The following FANK1 variants were observed in gnomAD, a reference collection of about 807,000 sequenced individuals.
FANK1 encodes the protein fibronectin type III and ankyrin repeat domains 1.
A neutral mutation model predicts 45.3 loss-of-function variants in FANK1; 44 were observed. That is an observed-to-expected ratio of 0.97 (90% CI 0.76 to 1.25). FANK1 has a LOEUF of 1.25. Among genes scored for constraint, FANK1 ranks in the 50% most tolerant of loss-of-function variants. FANK1 has a pLI of 0.00. For missense variants in FANK1, 391 were observed against 424.4 expected (o/e 0.92, Z 0.69); for synonymous variants, 149 against 152.5 (o/e 0.98, Z 0.17).
chr10:125,946,860 A>G (rs1948837980), intron 1 of FANK1, among the ~76,000 whole-genome samples: 1 of 144,130 alleles, frequency 6.9e-6, no homozygotes, highest in Non-Finnish European at 1.5e-5. Flanking sequence ...GGGCAGCCAG[A>G]GAGAAAGGTC....
chr10:125,989,497 T>C (rs1455831087), intron 3 of FANK1: 1 of 869,556 alleles, frequency 1.2e-6, no homozygotes, highest in Non-Finnish European at 1.9e-6. Context: ...ATTTCTTCAT[T>C]ACAAGTTTTG....
intron 1 of FANK1, among the ~76,000 whole-genome samples, chr10:125,913,468 GC>G (rs763468808): frequency 2.1e-4 from 32 of 152,294 alleles, no homozygotes; most frequent in Non-Finnish European, 2.8e-4. Context: ...CTAATCAGTT[GC>G]CCGTTGGTAA....
rs1398256167 is a variant in FANK1, at chr10:125,951,149, C to T, written c.14-29012C>T. ...GGGAGATATACCTAATGCTAGATGACGAGTTAGTGGGTGCAGCGCACCAGC... is the reference window on the plus strand; with the variant it reads ...GGGAGATATACCTAATGCTAGATGATGAGTTAGTGGGTGCAGCGCACCAGC... On this transcript the variant is annotated intron_variant, in intron 1 of 10. Transcript: ENST00000368693. Among the ~76,000 whole-genome samples, 12 of 147,350 alleles carry T rather than the reference C, an allele frequency of 8.1e-5. No homozygotes were observed. The South Asian group carries it at 1.1e-3, about 13-fold the overall frequency.
chr10:125,982,402 C>G (rs1951280555), intron 2 of FANK1, among the ~76,000 whole-genome samples: 2 of 152,214 alleles, frequency 1.3e-5, no homozygotes, highest in Admixed American at 1.3e-4. Flanking sequence ...CTGACGACAG[C>G]CTGGCATTGT....
At chr10:126,008,259 C>A in intron 7 of FANK1, 148 bp from the exon 8 acceptor site, 1 of 1,013,470 alleles carries the variant, frequency 9.9e-7, no homozygotes, top group Non-Finnish European at 1.3e-6. Flanking sequence ...CAAAATGTGA[C>A]TTAAATTAGC....
At chr10:125,915,405 TGGA>T (rs111774927) in intron 1 of FANK1, among the ~76,000 whole-genome samples, 2,681 of 152,296 alleles carry the variant, frequency 0.018, 58 homozygotes, top group African/African-American at 0.061. Flanking sequence ...CTTTGCCACA[TGGA>T]GAAGGATTGG....
intron 1 of FANK1, among the ~76,000 whole-genome samples, chr10:125,966,500 C>T (rs1333549074): frequency 6.6e-6 from 1 of 152,182 alleles, no homozygotes; most frequent in African/African-American, 2.4e-5. Context: ...CTCTCTTTGC[C>T]CTTCCCTCTT....
At position 125,953,986 on chromosome 10, in the gene FANK1, C is replaced by T. The variant is rs143813981; in HGVS notation, c.14-26175C>T. 3.7e-3 allele frequency among the ~76,000 whole-genome samples: 541 copies of T among 145,688 alleles called. 5 individuals are homozygous for T. Among genetic ancestry groups the T allele is most frequent in the African/African-American group, 0.013 (518 of 40,034 alleles). On this transcript the variant is annotated intron_variant, in intron 1 of 10. Coordinates refer to ENST00000368693, the MANE Select transcript of FANK1 (RefSeq NM_145235.5). ...TTTACTTCTGCAGAAGGGTGCTGCTCGCAAGTTTGGTCACCATGAGAGCAC... is the reference window on the plus strand; with the variant it reads ...TTTACTTCTGCAGAAGGGTGCTGCTTGCAAGTTTGGTCACCATGAGAGCAC...
intron 5 of FANK1, 111 bp downstream of exon 5, chr10:125,996,735 T>G: frequency 1.0e-6 from 1 of 960,352 alleles, no homozygotes; most frequent in Admixed American, 2.4e-5. Context: ...AGGAACCGTT[T>G]CTTTTCTATC....
chr10:125,996,411 A>G lies in FANK1; in HGVS notation c.399-139A>G. On this transcript the variant is annotated intron_variant, in intron 4 of 10. Transcript: ENST00000368693. Reference sequence around the variant, plus strand: ...ATTCTTAGCAGTCTAAGACAAGAAAAGATTTAATGGCCACAAAGAAATTGG... The same window carrying G: ...ATTCTTAGCAGTCTAAGACAAGAAAGGATTTAATGGCCACAAAGAAATTGG... 4.4e-6 allele frequency: 3 copies of G among 679,360 alleles called. No homozygotes were observed. In the South Asian group the frequency reaches 6.1e-5, roughly 14 times the overall value. The allele number at this position is 679,360 out of a possible 1,614,324, so 42.1% of individuals were successfully genotyped here. A position where few individuals can be genotyped will look rare whatever the true frequency, so the allele number is the denominator to read the frequency against.
intron 6 of FANK1, among the ~76,000 whole-genome samples, chr10:126,003,927 C>T (rs1175935616): frequency 3.9e-5 from 6 of 152,070 alleles, no homozygotes; most frequent in East Asian, 1.9e-4. Flanking sequence ...CCACCCACCT[C>T]GGCCTCCAAA....
At chr10:126,008,912 C>T (rs1182879802) in intron 8 of FANK1, 142 bp from the exon 9 acceptor site, 1 of 735,142 alleles carries the variant, frequency 1.4e-6, no homozygotes. Flanking sequence ...AGCGCTGTGC[C>T]TGCAGGCCAT....
At chr10:125,970,329 G>A (rs1006807624) in intron 1 of FANK1, among the ~76,000 whole-genome samples, 4 of 151,706 alleles carry the variant, frequency 2.6e-5, no homozygotes, top group Middle Eastern at 6.8e-3. Context: ...GGGCGGAGGC[G>A]CTCCTCACCT....
At chr10:125,959,727 C>A (rs1032043007) in intron 1 of FANK1, among the ~76,000 whole-genome samples, 1 of 152,138 alleles carries the variant, frequency 6.6e-6, no homozygotes, top group Non-Finnish European at 1.5e-5. Flanking sequence ...AATTCATGAG[C>A]AGAACACATT....
At chr10:125,925,754 A>G (rs1283053607) in intron 1 of FANK1, among the ~76,000 whole-genome samples, 1 of 150,052 alleles carries the variant, frequency 6.7e-6, no homozygotes, top group Non-Finnish European at 1.5e-5. Flanking sequence ...TATTTTAAAT[A>G]TGACTTAAAA....
chr10:125,962,000 AC>A (rs2134179799), intron 1 of FANK1, among the ~76,000 whole-genome samples: 1 of 152,336 alleles, frequency 6.6e-6, no homozygotes, highest in Admixed American at 6.5e-5. Context: ...ATTACATCAA[AC>A]AAAAAAGCTT....
chr10:125,936,636 A>T (rs1417304488), intron 1 of FANK1, among the ~76,000 whole-genome samples: 1 of 152,110 alleles, frequency 6.6e-6, no homozygotes, highest in African/African-American at 2.4e-5. Flanking sequence ...CCCCAACATT[A>T]TGTTTGTAAG....
At chr10:125,956,958 G>A (rs755742130) in intron 1 of FANK1, among the ~76,000 whole-genome samples, 1 of 152,098 alleles carries the variant, frequency 6.6e-6, no homozygotes, top group Non-Finnish European at 1.5e-5. Context: ...GGGTTCAAGC[G>A]ATTCTCCTGC....
intron 1 of FANK1, among the ~76,000 whole-genome samples, chr10:125,939,821 T>C (rs1948329876): frequency 6.6e-6 from 1 of 152,102 alleles, no homozygotes; most frequent in Admixed American, 6.5e-5. Flanking sequence ...AAATTATATA[T>C]ATTTCATTCT....
Sources: allele counts gnomAD v4.1 joint callset (sites outside exome capture counted in the v4.1 genomes callset), GRCh38; gene constraint gnomAD v4.1.1; transcripts MANE v1.5; gene names NCBI Gene and HGNC (gene_info 2026-07-23, HGNC 2026-07-21).